Variants in ACVR1C observed in about 807,000 individuals in gnomAD.
The protein encoded by ACVR1C is activin receptor type-1C.
In ACVR1C, 23 loss-of-function variants were observed where a neutral mutation model predicts 57.9. That is an observed-to-expected ratio of 0.40 (90% CI 0.29 to 0.56). The LOEUF is 0.56. Ranked by LOEUF, ACVR1C falls within the 20% of genes least tolerant of loss-of-function variation. ACVR1C has a pLI of 0.50. For missense variants in ACVR1C, 480 were observed against 607.9 expected, an observed-to-expected ratio of 0.79 and a Z score of 2.21; for synonymous variants, 214 against 215.3, an observed-to-expected ratio of 0.99 and a Z score of 0.05.
In ACVR1C at chr2:157,556,133, T is replaced by A; in HGVS notation, c.504A>T (p.Lys168Asn). 6.2e-7 allele frequency: 1 copy of A among 1,614,116 alleles called. No individual in the cohort carries two copies. The highest frequency in any genetic ancestry group is 8.5e-7 in the Non-Finnish European group (1 of 1,179,990). ...AGGCGGTCACATCATAAATCAGATC[T>A]TTCAGAGTTTTTCCAGCATTTACCA... ...CNLVNAGKTL[K>N]DLIYDVTASG... Residue 168 changes from lysine (K) to asparagine (N), a missense_variant, in exon 3 of 9, where the codon AAA becomes AAT. Transcript: ENST00000243349.
chr2:157,596,335 T>TG (rs1682112792), intron 1 of ACVR1C, among the ~76,000 whole-genome samples: 1 of 151,610 alleles, frequency 6.6e-6, no homozygotes, highest in Non-Finnish European at 1.5e-5. Context: ...ATTTGGGGGG[T>TG]GGGGGGCAGA....
intron 2 of ACVR1C, among the ~76,000 whole-genome samples, chr2:157,565,728 T>C (rs149831285): frequency 6.6e-6 from 1 of 152,250 alleles, no homozygotes; most frequent in Non-Finnish European, 1.5e-5. Flanking sequence ...GCATAAACGA[T>C]CTTCATCTGG....
At chr2:157,603,575 A>G (rs1682327687) in intron 1 of ACVR1C, among the ~76,000 whole-genome samples, 1 of 152,140 alleles carries the variant, frequency 6.6e-6, no homozygotes, top group Non-Finnish European at 1.5e-5. Flanking sequence ...TTTCAAGTCC[A>G]ACCAAGTGCT....
chr2:157,591,812 G>A (rs1689058597), intron 1 of ACVR1C, among the ~76,000 whole-genome samples: 1 of 151,994 alleles, frequency 6.6e-6, no homozygotes, highest in African/African-American at 2.4e-5. Flanking sequence ...CACTGCAACT[G>A]TGGGAGTTAG....
intron 1 of ACVR1C, among the ~76,000 whole-genome samples, chr2:157,589,299 T>C (rs1330522434): frequency 1.3e-5 from 2 of 152,020 alleles, no homozygotes; most frequent in Non-Finnish European, 2.9e-5. Context: ...TGTTGAACAT[T>C]TTTTCACATA....
intron 1 of ACVR1C, among the ~76,000 whole-genome samples, chr2:157,612,585 G>A (rs569597043): frequency 2.0e-4 from 30 of 151,864 alleles, no homozygotes; most frequent in Admixed American, 4.6e-4. Context: ...CAAGCCCAAC[G>A]TCAGAGTCCA....
At chr2:157,536,109 C>G (rs1206932768) in intron 8 of ACVR1C, among the ~76,000 whole-genome samples, 1 of 152,084 alleles carries the variant, frequency 6.6e-6, no homozygotes, top group East Asian at 1.9e-4. Flanking sequence ...AAAAATAAAT[C>G]TTGAGAGATA....
intron 1 of ACVR1C, among the ~76,000 whole-genome samples, chr2:157,592,061 C>T (rs2105261273): frequency 6.6e-6 from 1 of 152,228 alleles, no homozygotes. Context: ...AACTAGGATT[C>T]TGATCTGTAT....
At chr2:157,535,975 T>G (rs932987872) in intron 8 of ACVR1C, among the ~76,000 whole-genome samples, 2 of 152,114 alleles carry the variant, frequency 1.3e-5, no homozygotes, top group African/African-American at 4.8e-5. Flanking sequence ...GAGCCAGGCT[T>G]GGCACATACA....
At chr2:157,562,305 A>T (rs12466086) in intron 2 of ACVR1C, among the ~76,000 whole-genome samples, 96,794 of 134,862 alleles carry the variant, frequency 0.72, 35,138 homozygotes, top group Middle Eastern at 0.82. Flanking sequence ...AAAAAAAAAA[A>T]ATATATATAT....
chr2:157,574,459 A>G (rs1287720013), intron 2 of ACVR1C, among the ~76,000 whole-genome samples: 3 of 152,222 alleles, frequency 2.0e-5, no homozygotes, highest in South Asian at 2.1e-4. Context: ...TAGAATTTCA[A>G]CATATGAACT....
chr2:157,564,309 G>C (rs1323898859), intron 2 of ACVR1C, among the ~76,000 whole-genome samples: 1 of 152,192 alleles, frequency 6.6e-6, no homozygotes, highest in Non-Finnish European at 1.5e-5. Context: ...GATATGAACA[G>C]ACACTTCTCA....
intron 1 of ACVR1C, chr2:157,597,697 G>A (rs1220488091): frequency 2.6e-6 from 1 of 383,786 alleles, no homozygotes; most frequent in Non-Finnish European, 3.6e-6. Flanking sequence ...TAAAACCTGT[G>A]TGTCTTTAAA....
chr2:157,582,339 G>A (rs1487128460), intron 2 of ACVR1C, among the ~76,000 whole-genome samples: 1 of 152,036 alleles, frequency 6.6e-6, no homozygotes, highest in Non-Finnish European at 1.5e-5. Flanking sequence ...TCAATTAAAT[G>A]TTCCGTAGCA....
At chr2:157,559,223 A>T (rs1158405137) in intron 2 of ACVR1C, among the ~76,000 whole-genome samples, 1 of 152,242 alleles carries the variant, frequency 6.6e-6, no homozygotes. Flanking sequence ...TTTATTATAG[A>T]TGAACAATGT....
At chr2:157,561,965 C>T (rs1046132405) in intron 2 of ACVR1C, among the ~76,000 whole-genome samples, 2 of 152,052 alleles carry the variant, frequency 1.3e-5, no homozygotes, top group African/African-American at 4.8e-5. Flanking sequence ...AATATGTGAC[C>T]CATCTAGAGA....
intron 1 of ACVR1C, among the ~76,000 whole-genome samples, chr2:157,593,193 GCA>G (rs1689083750): frequency 6.6e-6 from 1 of 152,106 alleles, no homozygotes; most frequent in Non-Finnish European, 1.5e-5. Flanking sequence ...GTGATGGCTA[GCA>G]CACCCTGGTG....
At chr2:157,607,124 A>AATACGTAG (rs1682418766) in intron 1 of ACVR1C, among the ~76,000 whole-genome samples, 1 of 151,730 alleles carries the variant, frequency 6.6e-6, no homozygotes, top group African/African-American at 2.4e-5. Flanking sequence ...GTTGGCTGTA[A>AATACGTAG]ATACGTAGAT....
intron 2 of ACVR1C, among the ~76,000 whole-genome samples, chr2:157,582,148 T>C (rs1371459044): frequency 1.3e-5 from 2 of 152,046 alleles, no homozygotes; most frequent in Admixed American, 1.3e-4. Context: ...TAGGACCCCA[T>C]CTCAAAAAAA....
Sources: gnomAD v4.1 joint callset for allele counts (sites outside exome capture counted in the v4.1 genomes callset) on GRCh38, gnomAD v4.1.1 for gene constraint, MANE v1.5 for transcripts, NCBI Gene and HGNC (gene_info 2026-07-23, HGNC 2026-07-21) for gene names.